The following GABPB2 variants were observed in gnomAD, a reference collection of about 807,000 sequenced individuals.
The protein encoded by GABPB2 is GA binding protein transcription factor subunit beta 2, also known as GA-binding protein subunit beta-2.
A neutral mutation model predicts 39.1 loss-of-function variants in GABPB2; 23 were observed. The observed-to-expected ratio is 0.59, with a 90% CI of 0.42 to 0.83. GABPB2 has a LOEUF of 0.83. Among genes scored for constraint, GABPB2 ranks in the 40% least tolerant of loss-of-function variants. The pLI is 0.00. For missense variants in GABPB2, 467 were observed against 541.1 expected, an observed-to-expected ratio of 0.86 and a Z score of 1.36; for synonymous variants, 184 against 199.3, an observed-to-expected ratio of 0.92 and a Z score of 0.65.
At chr1:151,097,790 A>AT in intron 4 of GABPB2, 62 bp from the exon 5 acceptor site, 1 of 1,432,560 alleles carries the variant, frequency 7.0e-7, no homozygotes. Flanking sequence ...AAAAAAAAAA[A>AT]GAAAGACAGA....
chr1:151,074,580 A>G (rs948547400), intron 1 of GABPB2, among the ~76,000 whole-genome samples: 6 of 151,212 alleles, frequency 4.0e-5, no homozygotes, highest in African/African-American at 1.5e-4. Flanking sequence ...CAGCCTCCCA[A>G]AGTGCTGGGA....
chr1:151,080,642 G>A (rs1437367864), intron 1 of GABPB2, among the ~76,000 whole-genome samples: 1 of 150,948 alleles, frequency 6.6e-6, no homozygotes, highest in African/African-American at 2.4e-5. Context: ...GAGGTCAGGA[G>A]TTCAAGACCA....
At chr1:151,081,358 G>A (rs1246200647) in intron 1 of GABPB2, among the ~76,000 whole-genome samples, 1 of 151,862 alleles carries the variant, frequency 6.6e-6, no homozygotes, top group Non-Finnish European at 1.5e-5. Context: ...GCATGGTGGT[G>A]CACACCTGTA....
intron 7 of GABPB2, 115 bp downstream of exon 7, chr1:151,107,337 T>C (rs587701514): frequency 1.7e-5 from 11 of 634,358 alleles, no homozygotes; most frequent in South Asian, 5.3e-5. Flanking sequence ...CAGATGCAAG[T>C]TGGGGCAAAG....
chr1:151,089,429 T>C (rs1409457544), intron 2 of GABPB2, among the ~76,000 whole-genome samples: 1 of 152,216 alleles, frequency 6.6e-6, no homozygotes, highest in Non-Finnish European at 1.5e-5. Flanking sequence ...CCAAAGTGGA[T>C]GCTGATAGAT....
intron 5 of GABPB2, among the ~76,000 whole-genome samples, chr1:151,099,169 T>C (rs992033150): frequency 6.6e-6 from 1 of 152,038 alleles, no homozygotes; most frequent in Non-Finnish European, 1.5e-5. Context: ...AGTTTGTTTT[T>C]CAGCATCTCC....
intron 6 of GABPB2, among the ~76,000 whole-genome samples, chr1:151,104,257 C>G (rs1679762576): frequency 6.6e-6 from 1 of 152,126 alleles, no homozygotes; most frequent in South Asian, 2.1e-4. Context: ...GGGGGGAAGA[C>G]TTAAGGCTTC....
chr1:151,110,813 A>G (rs989418327), intron 7 of GABPB2, among the ~76,000 whole-genome samples: 1 of 152,182 alleles, frequency 6.6e-6, no homozygotes, highest in Non-Finnish European at 1.5e-5. Context: ...AACAGATTTC[A>G]TGAGTTATCT....
chr1:151,072,887 A>G (rs1472816664), intron 1 of GABPB2, among the ~76,000 whole-genome samples: 2 of 152,100 alleles, frequency 1.3e-5, no homozygotes, highest in African/African-American at 2.4e-5. Flanking sequence ...CCAGTCCCCT[A>G]TTGATATATA....
At chr1:151,071,999 A>G (rs1244713670) in intron 1 of GABPB2, among the ~76,000 whole-genome samples, 1 of 152,218 alleles carries the variant, frequency 6.6e-6, no homozygotes, top group African/African-American at 2.4e-5. Context: ...AGGACAGTCT[A>G]TGGCTTACTA....
At chr1:151,104,814 C>CTTTCTTTCTTTCTTTCTTTCCTTT (rs1402126253) in intron 6 of GABPB2, among the ~76,000 whole-genome samples, 1 of 36,256 alleles carries the variant, frequency 2.8e-5, no homozygotes, top group Admixed American at 3.4e-4. Context: ...TTCTTTCTTT[C>CTTTCTTTCTTTCTTTCTTTCCTTT]CTTTCTTTCT....
chr1:151,099,140 A>G (rs1385366841), intron 5 of GABPB2, among the ~76,000 whole-genome samples: 1 of 151,326 alleles, frequency 6.6e-6, no homozygotes, highest in African/African-American at 2.4e-5. Flanking sequence ...AAAACCTTCT[A>G]TCTAAATAAG....
intron 5 of GABPB2, among the ~76,000 whole-genome samples, chr1:151,100,269 C>T (rs1047130295): frequency 7.2e-5 from 11 of 151,810 alleles, no homozygotes; most frequent in Admixed American, 2.6e-4. Flanking sequence ...CTCAGCCTCC[C>T]GAGTAGCTGG....
chr1:151,082,920 G>A (rs1294153831), intron 1 of GABPB2, among the ~76,000 whole-genome samples: 2 of 150,604 alleles, frequency 1.3e-5, no homozygotes, highest in African/African-American at 2.4e-5. Context: ...AGGCTGCAGT[G>A]AGCTATGATC....
At chr1:151,094,892 C>T (rs1246478963) in intron 4 of GABPB2, among the ~76,000 whole-genome samples, 1 of 151,082 alleles carries the variant, frequency 6.6e-6, no homozygotes, top group Non-Finnish European at 1.5e-5. Flanking sequence ...TGCCTGTAAT[C>T]CCAGCTACTC....
intron 5 of GABPB2, 101 bp downstream of exon 5, chr1:151,098,103 T>G: frequency 1.1e-6 from 1 of 950,100 alleles, no homozygotes. Flanking sequence ...ACTCCTTAAT[T>G]AAAATATTGC....
intron 1 of GABPB2, among the ~76,000 whole-genome samples, chr1:151,085,844 C>T (rs923204729): frequency 6.6e-6 from 1 of 152,082 alleles, no homozygotes; most frequent in Admixed American, 6.6e-5. Context: ...TATTTTATGT[C>T]GGATAGGCAC....
At chr1:151,075,821 C>G (rs1366731939) in intron 1 of GABPB2, among the ~76,000 whole-genome samples, 1 of 152,108 alleles carries the variant, frequency 6.6e-6, no homozygotes, top group Non-Finnish European at 1.5e-5. Flanking sequence ...AACTCCTATG[C>G]AAGATGGAGT....
chr1:151,093,865 TATG>T (rs1678901122), intron 4 of GABPB2, among the ~76,000 whole-genome samples: 1 of 151,948 alleles, frequency 6.6e-6, no homozygotes, highest in East Asian at 1.9e-4. Flanking sequence ...TGGATCCATT[TATG>T]ATGAGTTTAT....
Sources: gnomAD v4.1 joint callset for allele counts (sites outside exome capture counted in the v4.1 genomes callset) on GRCh38, gnomAD v4.1.1 for gene constraint, MANE v1.5 for transcripts, NCBI Gene and HGNC (gene_info 2026-07-23, HGNC 2026-07-21) for gene names.